Variants in PARD3B observed in about 807,000 individuals in gnomAD.
PARD3B encodes the protein par-3 family cell polarity regulator beta.
PARD3B carries 103 observed loss-of-function variants against 130.2 expected under a neutral mutation model. The ratio of observed to expected loss-of-function variants is 0.79; its 90% CI spans 0.67 to 0.93. The LOEUF is 0.93. Among genes scored for constraint, PARD3B ranks in the 40% least tolerant of loss-of-function variants. The probability of loss-of-function intolerance (pLI) is 0.00; values close to 1 mark genes in which losing one functional copy is unlikely to be tolerated. For missense variants in PARD3B, 1,609 were observed against 1,499.2 expected (o/e 1.07, Z -1.21); for synonymous variants, 583 against 553.2 (o/e 1.05, Z -0.76).
At position 205,125,955 on chromosome 2, in the gene PARD3B, C is replaced by T. The variant is rs2125632930; in HGVS notation, c.1434+218C>T. Among the ~76,000 whole-genome samples the T allele has an allele frequency of 6.6e-6, 1 of 152,246 alleles. No individual in the cohort carries two copies. The highest frequency in any genetic ancestry group is 2.4e-5 in the African/African-American group (1 of 41,548). On this transcript the variant is annotated intron_variant, in intron 10 of 22. Transcript: ENST00000406610. This position sits in a 1 kb window ranked among gnomAD's most constrained non-coding sequence, Gnocchi z 4.0. ...AAACAGTGATTCCGGGGCACAGATT[C>T]AAACACCTTTAGCAATAAGCAACTA...
intron 1 of PARD3B, among the ~76,000 whole-genome samples, chr2:204,601,138 A>G (rs1033044939): frequency 6.6e-6 from 1 of 151,808 alleles, no homozygotes; most frequent in African/African-American, 2.4e-5. Context: ...CTCGTTTTCT[A>G]CTCCATTTAT....
chr2:205,062,959 T>C (rs772398883), intron 4 of PARD3B, among the ~76,000 whole-genome samples: 14 of 152,248 alleles, frequency 9.2e-5, no homozygotes, highest in Admixed American at 9.2e-4. Context: ...TTCTTTCATT[T>C]TAAATATAGT....
At position 205,132,842 on chromosome 2, in the gene PARD3B, C is replaced by T. The variant is rs191426653; in HGVS notation, c.1434+7105C>T. Reference sequence around the variant, plus strand: ...AGAATTAACTGTGTGCAGCTGTTGACGCACAGTGAGTGCCAAATCATATTA... The same window carrying T: ...AGAATTAACTGTGTGCAGCTGTTGATGCACAGTGAGTGCCAAATCATATTA... On this transcript the variant is annotated intron_variant, in intron 10 of 22. Coordinates refer to ENST00000406610, the MANE Select transcript of PARD3B (RefSeq NM_001302769.2). Among the ~76,000 whole-genome samples, 65 of 152,258 alleles carry T rather than the reference C, an allele frequency of 4.3e-4. No homozygotes were observed. In the East Asian group the frequency reaches 6.8e-3, roughly 16 times the overall value.
rs2030820848 is a variant in PARD3B at position 205,122,145 on chromosome 2, A to G, written c.1165+196A>G. ...TTCTTTTCTTCGGAGTGTATAGATT[A>G]TTTTAAACAAGAAAATAATAAAGAC... On this transcript the variant is annotated intron_variant, in intron 8 of 22. Coordinates refer to ENST00000406610, the MANE Select transcript of PARD3B (RefSeq NM_001302769.2). The surrounding 1 kb of genome is among the most constrained non-coding windows in gnomAD (Gnocchi z 4.3). Among the ~76,000 whole-genome samples, 1 of 152,190 alleles carries G rather than the reference A, an allele frequency of 6.6e-6. No individual in the cohort carries two copies. Among genetic ancestry groups the G allele is most frequent in the Non-Finnish European group, 1.5e-5 (1 of 68,024 alleles).
At chr2:204,818,663 G>A (rs746412538) in intron 2 of PARD3B, among the ~76,000 whole-genome samples, 4 of 152,162 alleles carry the variant, frequency 2.6e-5, no homozygotes, top group Admixed American at 6.5e-5. Context: ...GAGTTAATAG[G>A]TGTGCCATCC....
chr2:204,568,354 TAAC>T (rs1477611450), intron 1 of PARD3B, among the ~76,000 whole-genome samples: 3 of 152,168 alleles, frequency 2.0e-5, no homozygotes, highest in African/African-American at 4.8e-5. Flanking sequence ...GAAAAAGAAA[TAAC>T]AAATCAGTTG....
At chr2:205,361,107 G>GA (rs1275929538) in intron 18 of PARD3B, among the ~76,000 whole-genome samples, 5 of 151,288 alleles carry the variant, frequency 3.3e-5, no homozygotes, top group African/African-American at 4.8e-5. Flanking sequence ...ATAAGGATAA[G>GA]AAAAAAAAAC....
intron 3 of PARD3B, among the ~76,000 whole-genome samples, chr2:204,977,855 C>T (rs921293936): frequency 2.0e-5 from 3 of 150,088 alleles, no homozygotes; most frequent in African/African-American, 7.4e-5. Context: ...CCTTTACCAG[C>T]TAAGGCCTGA....
intron 15 of PARD3B, among the ~76,000 whole-genome samples, chr2:205,227,897 C>A (rs931374074): frequency 2.6e-5 from 4 of 152,070 alleles, no homozygotes; most frequent in Non-Finnish European, 5.9e-5. Flanking sequence ...CAAATACTAT[C>A]TTATAACCCA....
intron 18 of PARD3B, among the ~76,000 whole-genome samples, chr2:205,372,052 A>G (rs143901832): frequency 1.5e-3 from 223 of 152,294 alleles, no homozygotes; most frequent in African/African-American, 5.2e-3. Flanking sequence ...TTATTTATCC[A>G]TTCATCAGTT....
chr2:205,193,091 T>C, intron 14 of PARD3B, 114 bp from the exon 15 acceptor site: 2 of 628,616 alleles, frequency 3.2e-6, no homozygotes, highest in Non-Finnish European at 5.6e-6. Context: ...TGAAAATATG[T>C]GGTTGGGAGC....
chr2:205,499,347 G>C lies in PARD3B; in HGVS notation c.3045-549G>C, dbSNP rs1393114896. Reference sequence around the variant, plus strand: ...AAAAAAAAAACTTTCTTACTGTTTTGTTTTGTTTTTTTACTGTCACCTTTT... The same window carrying C: ...AAAAAAAAAACTTTCTTACTGTTTTCTTTTGTTTTTTTACTGTCACCTTTT... On this transcript the variant is annotated intron_variant, in intron 20 of 22. Transcript: ENST00000406610. 4.7e-5 allele frequency among the ~76,000 whole-genome samples: 7 copies of C among 150,524 alleles called. No individual in the cohort carries two copies. In the South Asian group the frequency reaches 1.3e-3, roughly 27 times the overall value.
Position 205,158,219 on chromosome 2 carries a change from A to C in PARD3B, c.1435-503A>C, listed in dbSNP as rs1030887790. 6.6e-6 allele frequency among the ~76,000 whole-genome samples: 1 copy of C among 152,118 alleles called. No individual in the cohort carries two copies. Among genetic ancestry groups the C allele is most frequent in the Non-Finnish European group, 1.5e-5 (1 of 68,014 alleles). Reference sequence around the variant, plus strand: ...TGTGTCTTATTAACAAACTTTACCAATAGTGTTGTTTCCATAGTAAATGAT... The same window carrying C: ...TGTGTCTTATTAACAAACTTTACCACTAGTGTTGTTTCCATAGTAAATGAT... On this transcript the variant is annotated intron_variant, in intron 10 of 22. Coordinates refer to ENST00000406610, the MANE Select transcript of PARD3B (RefSeq NM_001302769.2). The surrounding 1 kb of genome is among the most constrained non-coding windows in gnomAD (Gnocchi z 5.4).
intron 2 of PARD3B, among the ~76,000 whole-genome samples, chr2:204,866,388 A>G (rs1181379724): frequency 6.6e-6 from 1 of 152,044 alleles, no homozygotes; most frequent in African/African-American, 2.4e-5. Flanking sequence ...CATAGTTAGT[A>G]CTTAATATAT....
At chr2:204,930,388 C>T (rs1041434698) in intron 2 of PARD3B, among the ~76,000 whole-genome samples, 4 of 151,888 alleles carry the variant, frequency 2.6e-5, no homozygotes, top group Non-Finnish European at 5.9e-5. Context: ...ACTCATAATA[C>T]CTAATACAAT....
chr2:205,178,312 T>C (rs1181811066), intron 13 of PARD3B, among the ~76,000 whole-genome samples: 1 of 150,998 alleles, frequency 6.6e-6, no homozygotes, highest in Non-Finnish European at 1.5e-5. Flanking sequence ...CTTAAAGAAA[T>C]TATGGTGGCA....
chr2:205,546,628 G>C (rs939244310), intron 21 of PARD3B, among the ~76,000 whole-genome samples: 2 of 152,170 alleles, frequency 1.3e-5, no homozygotes, highest in African/African-American at 4.8e-5. Flanking sequence ...CCCTCTTCAA[G>C]TCATCTTACT....
At chr2:204,802,370 G>A (rs547222782) in intron 2 of PARD3B, among the ~76,000 whole-genome samples, 5 of 152,272 alleles carry the variant, frequency 3.3e-5, no homozygotes, top group Non-Finnish European at 7.4e-5. Context: ...TGGAGAAATA[G>A]GAACGCTTTT....
intron 21 of PARD3B, among the ~76,000 whole-genome samples, chr2:205,534,491 TA>T (rs1420871239): frequency 6.6e-6 from 1 of 151,952 alleles, no homozygotes; most frequent in Non-Finnish European, 1.5e-5. Context: ...GACAGAGTCT[TA>T]CTGTGTCGCC....
Sources: allele counts gnomAD v4.1 joint callset (sites outside exome capture counted in the v4.1 genomes callset), GRCh38; gene constraint gnomAD v4.1.1; non-coding constraint Gnocchi (gnomAD v3.1); transcripts MANE v1.5; gene names NCBI Gene and HGNC (gene_info 2026-07-23, HGNC 2026-07-21).